Variants in STARD9 observed in about 807,000 individuals in gnomAD.
STARD9 encodes the protein stAR-related lipid transfer protein 9.
STARD9 carries 346 observed loss-of-function variants against 399.8 expected under a neutral mutation model. The observed-to-expected ratio is 0.87, with a 90% CI of 0.79 to 0.95. STARD9 has a LOEUF of 0.95. Ranked by LOEUF, STARD9 falls within the 40% of genes least tolerant of loss-of-function variation. The pLI is 0.00. For missense variants in STARD9, 5,832 were observed against 5,667.5 expected (o/e 1.03, Z -0.93); for synonymous variants, 2,203 against 2,143.5 (o/e 1.03, Z -0.77).
intron 4 of STARD9, among the ~76,000 whole-genome samples, chr15:42,636,136 A>C (rs1422575094): frequency 6.6e-6 from 1 of 152,104 alleles, no homozygotes; most frequent in Non-Finnish European, 1.5e-5. Flanking sequence ...ATCTCTACAA[A>C]AAATACAAAA....
rs562322333 is a variant in STARD9 at position 42,699,987 on chromosome 15, G to A, written c.13284+4107G>A. 9.9e-5 allele frequency among the ~76,000 whole-genome samples: 15 copies of A among 152,270 alleles called. No individual in the cohort carries two copies. The South Asian group carries it at 2.5e-3, about 25-fold the overall frequency. ...CTCTCAAAGCGTTGGGGTTACAGGCGTGTGAGATCAACTTTTTTAGATTCC... is the reference window on the plus strand; with the variant it reads ...CTCTCAAAGCGTTGGGGTTACAGGCATGTGAGATCAACTTTTTTAGATTCC... On this transcript the variant is annotated intron_variant, in intron 26 of 32. Coordinates refer to ENST00000290607, the MANE Select transcript of STARD9 (RefSeq NM_020759.3).
In STARD9 at chr15:42,649,853, G is replaced by A. The variant is rs559787531; in HGVS notation, c.560-1163G>A. Among the ~76,000 whole-genome samples, 8 of 148,274 alleles carry A rather than the reference G, an allele frequency of 5.4e-5. No homozygotes were observed. The South Asian group carries it at 1.7e-3, about 32-fold the overall frequency. On this transcript the variant is annotated intron_variant, in intron 7 of 32. Transcript: ENST00000290607. ...ACTGGGATTACAGGCATGAGGCACCGAGCCTGGCCTTTTTTTTTTTTTTTT... is the reference window on the plus strand; with the variant it reads ...ACTGGGATTACAGGCATGAGGCACCAAGCCTGGCCTTTTTTTTTTTTTTTT...
In STARD9 at chr15:42,691,276, T is replaced by C. The variant is rs2140280046; in HGVS notation, c.9698T>C (p.Leu3233Pro). 6.5e-7 allele frequency: 1 copy of C among 1,537,264 alleles called. No homozygotes were observed. Among genetic ancestry groups the C allele is most frequent in the Admixed American group, 2.0e-5 (1 of 51,006 alleles). ...GEGFAQGVNP[L>P]PDEDGLDGCQ... The stretch of plus-strand genomic sequence containing the variant: ...GGCTTCGCCCAGGGTGTGAATCCCC[T>C]TCCTGATGAAGATGGCTTAGATGGC... The change falls in exon 23 of 33, where the codon CTT (leucine) becomes CCT (proline). Residue 3233 changes from leucine (L) to proline (P), a missense_variant. By Grantham distance (98) the Leu-to-Pro change is moderately conservative. Transcript: ENST00000290607.
intron 16 of STARD9, chr15:42,673,847 C>T (rs2060253636): frequency 2.2e-6 from 1 of 446,288 alleles, no homozygotes. Flanking sequence ...CAGTTTCCCC[C>T]TCCTCTCTTA....
rs183802733 is a variant in STARD9 at position 42,662,857 on chromosome 15, C to T, written c.834C>T (p.Ser278=). The T allele has an allele frequency of 2.8e-4, 424 of 1,537,184 alleles. No individual in the cohort carries two copies. In the Middle Eastern group the frequency reaches 5.0e-3, roughly 18 times the overall value. ...RIAEGANINK[S]LVTLGIVIST... ...CTGAAGGAGCCAATATCAACAAGTC[C>T]CTTGTGACTCTAGGAATTGTCATCT... The change falls in exon 11 of 33, where the codon TCC becomes TCT. Residue 278 remains serine, a synonymous_variant. Coordinates refer to ENST00000290607, the MANE Select transcript of STARD9 (RefSeq NM_020759.3).
At chr15:42,621,705 GT>G (rs917371317) in intron 3 of STARD9, among the ~76,000 whole-genome samples, 1 of 152,214 alleles carries the variant, frequency 6.6e-6, no homozygotes, top group African/African-American at 2.4e-5. Flanking sequence ...TATACATTTA[GT>G]TAGGTTATAA....
intron 20 of STARD9, among the ~76,000 whole-genome samples, chr15:42,677,624 G>A (rs1313117369): frequency 6.6e-6 from 1 of 152,224 alleles, no homozygotes; most frequent in Non-Finnish European, 1.5e-5. Flanking sequence ...AGCTGAGAAT[G>A]GAAGAGATGC....
Position 42,685,693 on chromosome 15 carries a change from A to G in STARD9, c.4115A>G (p.Glu1372Gly). The change falls in exon 23 of 33, where the codon GAG becomes GGG. Residue 1372 changes from glutamate to glycine, a missense_variant. Around this residue, in one of 2 missense-constraint regions of STARD9, gnomAD observed 5,828 missense variants for 5,651.1 expected, o/e 1.03. Transcript: ENST00000290607. ...DMQEFHSCKG[E>G]RPGYWPNTEE... ...CAGGAATTTCACTCCTGTAAGGGGG[A>G]GAGGCCTGGATACTGGCCAAATACT... 1 of 1,537,284 alleles carries G rather than the reference A, an allele frequency of 6.5e-7. No homozygotes were observed. Among genetic ancestry groups the G allele is most frequent in the Non-Finnish European group, 8.7e-7 (1 of 1,146,946 alleles).
In STARD9 at chr15:42,675,992, T is replaced by C. The variant is rs1313394473; in HGVS notation, c.1874+17T>C. The C allele has an allele frequency of 2.6e-6, 4 of 1,525,762 alleles. No homozygotes were observed. In the East Asian group the frequency reaches 9.8e-5, roughly 37 times the overall value. 94.5% of individuals were successfully genotyped at this position (1,525,762 alleles called of 1,614,324 possible). A position where few individuals can be genotyped will look rare whatever the true frequency, so the allele number is the denominator to read the frequency against. On this transcript the variant is annotated intron_variant, in intron 20 of 32. Coordinates refer to ENST00000290607, the MANE Select transcript of STARD9 (RefSeq NM_020759.3). The stretch of plus-strand genomic sequence containing the variant: ...GAAGGAAAGGTAAGAAATAGCTGCT[T>C]ATACTGATGTGGAACCTACTGGGTT...
At chr15:42,594,869 G>A (rs927987297) in intron 3 of STARD9, among the ~76,000 whole-genome samples, 2 of 152,158 alleles carry the variant, frequency 1.3e-5, no homozygotes, top group Non-Finnish European at 2.9e-5. Flanking sequence ...CCATCTAGTA[G>A]TATGGGGAAG....
At chr15:42,673,834 C>T (rs984571317) in intron 16 of STARD9, 45 of 442,476 alleles carry the variant, frequency 1.0e-4, no homozygotes, top group Admixed American at 2.2e-4. Flanking sequence ...TTTGTACTAA[C>T]TCCAGTTTCC....
chr15:42,623,216 C>T (rs1485530982), intron 3 of STARD9, among the ~76,000 whole-genome samples: 1 of 152,022 alleles, frequency 6.6e-6, no homozygotes, highest in Non-Finnish European at 1.5e-5. Context: ...TGTGCCATTG[C>T]ACTCCAGCCT....
At chr15:42,701,800 C>G (rs1005202416) in intron 26 of STARD9, among the ~76,000 whole-genome samples, 2 of 151,896 alleles carry the variant, frequency 1.3e-5, no homozygotes, top group African/African-American at 4.8e-5. Flanking sequence ...CGAGACCAGC[C>G]TGGCCAACAT....
At chr15:42,715,915 G>C (rs1345438972) in intron 26 of STARD9, among the ~76,000 whole-genome samples, 1 of 152,194 alleles carries the variant, frequency 6.6e-6, no homozygotes, top group African/African-American at 2.4e-5. Flanking sequence ...GTAGTGAAAG[G>C]CTTCTGACAG....
chr15:42,687,674 T>A lies in STARD9; in HGVS notation c.6096T>A (p.Pro2032=). 6.5e-7 allele frequency: 1 copy of A among 1,537,104 alleles called. No homozygotes were observed. The highest frequency in any genetic ancestry group is 8.7e-7 in the Non-Finnish European group (1 of 1,146,866). ...SQEMLNPNRE[P]SGKKQNKRVN... is the part of the protein sequence containing the mutation. ...AAATGTTAAATCCCAACAGAGAACC[T>A]TCTGGAAAGAAACAGAATAAAAGAG... The change falls in exon 23 of 33, where the codon CCT becomes CCA. Residue 2032 remains proline (P), a synonymous_variant. Coordinates refer to ENST00000290607, the MANE Select transcript of STARD9 (RefSeq NM_020759.3).
intron 3 of STARD9, 47 bp downstream of exon 3, chr15:42,585,684 T>A (rs1566851818): frequency 1.7e-6 from 2 of 1,177,778 alleles, no homozygotes; most frequent in East Asian, 2.6e-5. Context: ...TTTTTTTATG[T>A]ATAATATTTA....
chr15:42,649,286 C>G (rs1279674239), intron 7 of STARD9, among the ~76,000 whole-genome samples: 1 of 152,150 alleles, frequency 6.6e-6, no homozygotes, highest in East Asian at 1.9e-4. Flanking sequence ...CCTCAGCCTC[C>G]CAAAGTGTTG....
intron 26 of STARD9, among the ~76,000 whole-genome samples, chr15:42,703,835 G>C (rs1387009823): frequency 6.6e-6 from 1 of 151,600 alleles, no homozygotes; most frequent in East Asian, 1.9e-4. Context: ...GCATTTTAAT[G>C]CATTTTTGTT....
At position 42,690,061 on chromosome 15, in the gene STARD9, C is replaced by T; in HGVS notation, c.8483C>T (p.Ser2828Leu). Reference protein sequence around the residue: ...TCDVQNSTSASGPKQDHVQCP... With the variant: ...TCDVQNSTSALGPKQDHVQCP... ...GATGTTCAGAATTCTACAAGTGCCT[C>T]AGGGCCTAAGCAAGACCATGTCCAA... Residue 2828 changes from serine to leucine, a missense_variant, in exon 23 of 33, where the codon TCA becomes TTA. Around this residue, in one of 2 missense-constraint regions of STARD9, gnomAD observed 5,828 missense variants for 5,651.1 expected, o/e 1.03. Transcript: ENST00000290607. The T allele has an allele frequency of 1.3e-6, 2 of 1,537,524 alleles. No individual in the cohort carries two copies. Among genetic ancestry groups the T allele is most frequent in the Non-Finnish European group, 1.7e-6 (2 of 1,146,964 alleles).
Sources: gnomAD v4.1 joint callset for allele counts (sites outside exome capture counted in the v4.1 genomes callset) on GRCh38, gnomAD v4.1.1 for gene constraint, gnomAD v4.1.1 regional missense constraint, MANE v1.5 for transcripts, NCBI Gene and HGNC (gene_info 2026-07-23, HGNC 2026-07-21) for gene names.